PDLIM2: variants seen among roughly 807,000 people sequenced by gnomAD.
PDLIM2 encodes the protein PDZ and LIM domain protein 2.
A neutral mutation model predicts 54.1 loss-of-function variants in PDLIM2; 51 were observed. The observed-to-expected ratio is 0.94, with a 90% CI of 0.75 to 1.19. The LOEUF is 1.19. Among genes scored for constraint, PDLIM2 ranks in the 50% most tolerant of loss-of-function variants. The pLI is 0.00. For synonymous variants in PDLIM2, 398 were observed against 385.6 expected (o/e 1.03, Z -0.38); for missense variants, 912 against 874.0 (o/e 1.04, Z -0.55).
exon 10 of PDLIM2, chr8:22,593,999 C>G (rs948415776): frequency 8.1e-6 from 12 of 1,476,928 alleles, no homozygotes; most frequent in Non-Finnish European, 1.1e-5. Context: ...GGCAGTTGCT[C>G]TTACATGAGC....
exon 7 of PDLIM2, chr8:22,589,331 C>T (rs1183339860): frequency 6.5e-7 from 1 of 1,534,340 alleles, no homozygotes; most frequent in Non-Finnish European, 8.7e-7. Context: ...CTCGGCGGTG[C>T]TGGTGCTGCC....
In PDLIM2 at chr8:22,580,704, A is replaced by T; in HGVS notation, c.843+7A>T. 1.2e-6 allele frequency: 2 copies of T among 1,613,544 alleles called. No individual in the cohort carries two copies. The highest frequency in any genetic ancestry group is 1.7e-6 in the Non-Finnish European group (2 of 1,179,736). ...GCCCATCATGGTGACTAAGGTAAGG[A>T]TGGTGGCTCAAAGAGATGAGAAGGT... is the stretch of plus-strand genomic sequence containing the variant. On this transcript the variant is annotated splice_region_variant and intron_variant, in intron 2 of 9. Transcript: ENST00000308354.
At chr8:22,589,355 C>G in exon 7 of PDLIM2, 1 of 1,534,884 alleles carries the variant, frequency 6.5e-7, no homozygotes, top group Non-Finnish European at 8.7e-7. Context: ...TTCCCCGGGC[C>G]CTCGTTCCTC....
At chr8:22,590,609 C>G (rs970497129) in intron 8 of PDLIM2, 3 of 152,334 alleles carry the variant, frequency 2.0e-5, no homozygotes, top group Admixed American at 6.5e-5. Context: ...GGAGAGTGGC[C>G]AGAGAGGCTT....
intron 3 of PDLIM2, among the ~76,000 whole-genome samples, 166 bp from the exon 3 acceptor site, chr8:22,584,655 T>C (rs1287361763): frequency 6.6e-6 from 1 of 152,206 alleles, no homozygotes; most frequent in African/African-American, 2.4e-5. Context: ...TTGATGATAG[T>C]TGTTTGTCTT....
chr8:22,594,315 T>C (rs1800636860), downstream of PDLIM2: 2 of 1,423,894 alleles, frequency 1.4e-6, no homozygotes, highest in African/African-American at 2.9e-5. Context: ...GTCCCTTCCT[T>C]CTTTTTCCTA....
At chr8:22,585,065 T>C in exon 5 of PDLIM2, 3 of 1,614,020 alleles carry the variant, frequency 1.9e-6, no homozygotes, top group Non-Finnish European at 1.7e-6. Context: ...AAGGTCCTCC[T>C]ACTCCAGCCC....
At chr8:22,593,845 C>A in exon 10 of PDLIM2, 1 of 1,581,140 alleles carries the variant, frequency 6.3e-7, no homozygotes. Flanking sequence ...GGGTGACGAG[C>A]TGTACTGTGA....
At chr8:22,591,343 C>A in intron 8 of PDLIM2, 1 of 597,022 alleles carries the variant, frequency 1.7e-6, no homozygotes, top group Non-Finnish European at 3.0e-6. Flanking sequence ...TGGGCAAACT[C>A]GGCCTTGTAC....
rs371271267 is a variant in PDLIM2, at chr8:22,593,866, C to T, written c.1765C>T (p.Arg589Cys). Reference sequence around the variant, plus strand: ...CGAGCTGTACTGTGAGAAGCATGCCCGCCAGCGCTACTCCGCACCTGCCAC... The same window carrying T: ...CGAGCTGTACTGTGAGAAGCATGCCTGCCAGCGCTACTCCGCACCTGCCAC... Residue 589 changes from arginine (R) to cysteine (C), a missense_variant, in exon 10 of 10, where the codon CGC becomes TGC. Arg to Cys is a radical substitution (Grantham distance 180). Transcript: ENST00000308354. The T allele has an allele frequency of 3.7e-5, 58 of 1,557,676 alleles. No homozygotes were observed. Among genetic ancestry groups the T allele is most frequent in the South Asian group, 5.9e-5 (5 of 84,642 alleles).
intron 3 of PDLIM2, among the ~76,000 whole-genome samples, chr8:22,583,196 A>G (rs551488183): frequency 6.6e-6 from 1 of 152,092 alleles, no homozygotes; most frequent in East Asian, 1.9e-4. Context: ...ACTTTGGAAG[A>G]GGGTACCCAG....
Position 22,591,553 on chromosome 8 carries a change from G to A in PDLIM2, c.1516G>A (p.Gly506Ser), listed in dbSNP as rs374842223. 6.2e-6 allele frequency: 10 copies of A among 1,613,390 alleles called. No homozygotes were observed. In the African/African-American group the frequency reaches 1.2e-4, roughly 19 times the overall value. The change falls in exon 9 of 10, where the codon GGC (glycine) becomes AGC (serine). Residue 506 changes from glycine to serine, a missense_variant and splice_region_variant. By Grantham distance (56) the Gly-to-Ser change is moderately conservative. Transcript: ENST00000308354. Reference sequence around the variant, plus strand: ...ATGTCTGTCTGCCCTGCCCCCAGGTGGCACGCCAGCCTTCTTGCCCAGCTC... The same window carrying A: ...ATGTCTGTCTGCCCTGCCCCCAGGTAGCACGCCAGCCTTCTTGCCCAGCTC...
chr8:22,585,450 T>A lies in PDLIM2; in HGVS notation c.1290+51T>A, dbSNP rs1420547244. 2.0e-6 allele frequency: 3 copies of A among 1,532,874 alleles called. No homozygotes were observed. In the African/African-American group the frequency reaches 4.1e-5, roughly 21 times the overall value. 95.0% of individuals were successfully genotyped at this position (1,532,874 alleles called of 1,614,324 possible). A position where few individuals can be genotyped will look rare whatever the true frequency, so the allele number is the denominator to read the frequency against. On this transcript the variant is annotated intron_variant, in intron 6 of 9. Coordinates refer to ENST00000308354, the Ensembl canonical transcript of PDLIM2. ...CTGGAGGAACAGAAGCACCTCCCGT[T>A]CCTGTGGGTTGCCAGTGCCCCGGGA...
chr8:22,584,921 G>T, intron 4 of PDLIM2, 31 bp downstream of exon 3: 1 of 1,614,010 alleles, frequency 6.2e-7, no homozygotes, highest in Non-Finnish European at 8.5e-7. Flanking sequence ...GACAGCCTCA[G>T]CACCCTGATC....
intron 2 of PDLIM2, chr8:22,580,905 C>T: frequency 1.4e-6 from 1 of 715,338 alleles, no homozygotes; most frequent in Non-Finnish European, 2.6e-6. Context: ...TGAAAGGGAG[C>T]TGGGACCAGG....
intron 8 of PDLIM2, chr8:22,590,994 G>A: frequency 6.2e-6 from 1 of 160,334 alleles, no homozygotes; most frequent in Admixed American, 5.9e-5. Flanking sequence ...GGGGTGGGGT[G>A]AGAAGGTTTG....
chr8:22,596,471 G>T (rs2117377569), downstream of PDLIM2: 1 of 152,356 alleles, frequency 6.6e-6, no homozygotes, highest in Non-Finnish European at 1.5e-5. Flanking sequence ...GGTCAGCAGA[G>T]GAGGCTGGGG....
downstream of PDLIM2, chr8:22,594,529 G>C: frequency 6.2e-7 from 1 of 1,614,110 alleles, no homozygotes. Context: ...CCGTTTTACA[G>C]GAGGACGCTT....
rs1487793820 is a variant in PDLIM2 at position 22,589,748 on chromosome 8, G to A, written c.1513+7G>A. ...CTGGAGGCTGAGGAGAGAGGTGAGG[G>A]TCTGGGGGGCTGGGGAGGGGAAGGA... On this transcript the variant is annotated splice_region_variant and intron_variant, in intron 8 of 9. Transcript: ENST00000308354. 6.4e-7 allele frequency: 1 copy of A among 1,561,842 alleles called. No individual in the cohort carries two copies. The highest frequency in any genetic ancestry group is 8.7e-7 in the Non-Finnish European group (1 of 1,152,694).
Sources: allele counts gnomAD v4.1 joint callset (sites outside exome capture counted in the v4.1 genomes callset), GRCh38; gene constraint gnomAD v4.1.1; transcripts MANE v1.5; gene names NCBI Gene and HGNC (gene_info 2026-07-23, HGNC 2026-07-21).